Variants in TCF7L2 observed in about 807,000 individuals in gnomAD.
The protein encoded by TCF7L2 is transcription factor 7-like 2.
A neutral mutation model predicts 77.9 loss-of-function variants in TCF7L2; 23 were observed. That is an observed-to-expected ratio of 0.30 (90% CI 0.21 to 0.42). The LOEUF (loss-of-function observed/expected upper bound fraction) is 0.42. TCF7L2 is among the 10% of genes least tolerant of loss of function. TCF7L2 has a pLI of 1.00. For missense variants in TCF7L2, 654 were observed against 793.1 expected, an observed-to-expected ratio of 0.82 and a Z score of 2.11; for synonymous variants, 413 against 340.2, an observed-to-expected ratio of 1.21 and a Z score of -2.36.
intron 4 of TCF7L2, among the ~76,000 whole-genome samples, chr10:112,994,586 A>G (rs765452753): frequency 4.6e-5 from 7 of 152,212 alleles, no homozygotes; most frequent in Non-Finnish European, 8.8e-5. Flanking sequence ...GGGTCATATA[A>G]TAAATAACTG....
At chr10:112,979,766 A>T (rs1355460777) in intron 4 of TCF7L2, among the ~76,000 whole-genome samples, 1 of 86,226 alleles carries the variant, frequency 1.2e-5, no homozygotes, top group Admixed American at 1.4e-4. Flanking sequence ...AAAAAAAAAT[A>T]AAAAAAATAA....
chr10:113,127,869 T>G (rs1356570673), intron 5 of TCF7L2, among the ~76,000 whole-genome samples: 1 of 87,652 alleles, frequency 1.1e-5, no homozygotes, highest in Non-Finnish European at 2.5e-5. Flanking sequence ...CTGCGTCCTT[T>G]TTTTTTTTTT....
At chr10:113,107,608 T>C (rs2062514720) in intron 5 of TCF7L2, among the ~76,000 whole-genome samples, 1 of 151,054 alleles carries the variant, frequency 6.6e-6, no homozygotes, top group African/African-American at 2.4e-5. Flanking sequence ...CCGGGCGTGG[T>C]GGCGAGTACC....
chr10:113,099,487 G>T (rs911935555), intron 5 of TCF7L2, among the ~76,000 whole-genome samples: 1 of 152,162 alleles, frequency 6.6e-6, no homozygotes, highest in Non-Finnish European at 1.5e-5. Flanking sequence ...CCCAGGCTCT[G>T]GAACAAGCTG....
intron 11 of TCF7L2, among the ~76,000 whole-genome samples, chr10:113,154,655 G>A (rs969517937): frequency 4.6e-5 from 7 of 152,184 alleles, no homozygotes; most frequent in Non-Finnish European, 1.5e-5. Context: ...AGTATTGCTC[G>A]AGGCTTTTTG....
At chr10:113,096,077 G>A (rs1001716712) in intron 5 of TCF7L2, among the ~76,000 whole-genome samples, 4 of 152,180 alleles carry the variant, frequency 2.6e-5, no homozygotes, top group East Asian at 1.9e-4. Context: ...GCTAGTCTGC[G>A]TCAAGGGAGA....
chr10:112,978,833 A>T (rs1251948235), intron 4 of TCF7L2, among the ~76,000 whole-genome samples: 1 of 151,960 alleles, frequency 6.6e-6, no homozygotes, highest in South Asian at 2.1e-4. Flanking sequence ...TAAAATATAC[A>T]TATATATTTT....
Position 112,951,273 on chromosome 10 carries a change from G to A in TCF7L2, c.256G>A (p.Ala86Thr), listed in dbSNP as rs758611043. 6 of 1,497,844 alleles carry A rather than the reference G, an allele frequency of 4.0e-6. No individual in the cohort carries two copies. Among genetic ancestry groups the A allele is most frequent in the Admixed American group, 2.1e-5 (1 of 47,208 alleles). 92.8% of individuals were successfully genotyped at this position (1,497,844 alleles called of 1,614,324 possible). A position where few individuals can be genotyped will look rare whatever the true frequency, so the allele number is the denominator to read the frequency against. The stretch of plus-strand genomic sequence containing the variant: ...CAAATCCCGGGAAAGTTTGGAAGAA[G>A]GTGAGTACGCCCCGCGCGCCCCGCA... Residue 86 changes from alanine to threonine, a missense_variant and splice_region_variant, in exon 2 of 14, where the codon GCG becomes ACG. Ala to Thr is a moderately conservative substitution (Grantham distance 58). This residue lies in a region of TCF7L2 where 132 missense variants were observed against 123.7 expected (regional missense o/e 1.07). Coordinates refer to ENST00000627217, the MANE Select transcript of TCF7L2 (RefSeq NM_001146274.2).
At chr10:113,053,402 T>C (rs543917892) in intron 5 of TCF7L2, among the ~76,000 whole-genome samples, 71 of 152,134 alleles carry the variant, frequency 4.7e-4, no homozygotes, top group African/African-American at 1.7e-3. Flanking sequence ...GTAGCAAGGG[T>C]GTGGATTGTC....
intron 4 of TCF7L2, among the ~76,000 whole-genome samples, chr10:113,003,710 C>A (rs144329661): frequency 6.6e-6 from 1 of 152,312 alleles, no homozygotes; most frequent in Non-Finnish European, 1.5e-5. Context: ...TGAAATGAAA[C>A]AGGTGAGGAA....
intron 5 of TCF7L2, among the ~76,000 whole-genome samples, chr10:113,086,504 T>A (rs1040849242): frequency 6.6e-6 from 1 of 152,222 alleles, no homozygotes; most frequent in African/African-American, 2.4e-5. Flanking sequence ...AACCTGCATC[T>A]ATGGGAAGGG....
intron 4 of TCF7L2, among the ~76,000 whole-genome samples, chr10:112,981,469 A>G (rs1452375760): frequency 6.6e-6 from 1 of 152,156 alleles, no homozygotes; most frequent in African/African-American, 2.4e-5. Flanking sequence ...AAAAGCATCA[A>G]GTTAGTTTTT....
intron 5 of TCF7L2, among the ~76,000 whole-genome samples, chr10:113,083,957 A>G (rs1410592744): frequency 6.6e-6 from 1 of 152,142 alleles, no homozygotes; most frequent in African/African-American, 2.4e-5. Flanking sequence ...AGGCCCTTTT[A>G]CATCTAGACT....
At chr10:113,147,519 C>G (rs747160630) in intron 8 of TCF7L2, among the ~76,000 whole-genome samples, 3 of 152,132 alleles carry the variant, frequency 2.0e-5, no homozygotes, top group Non-Finnish European at 4.4e-5. Context: ...TAGGAAAACG[C>G]TCGTGTGTTC....
rs531545200 is a variant in TCF7L2 at position 113,007,456 on chromosome 10, C to G, written c.451-32569C>G. 8.5e-5 allele frequency among the ~76,000 whole-genome samples: 13 copies of G among 152,324 alleles called. No homozygotes were observed. In the South Asian group the frequency reaches 2.7e-3, roughly 32 times the overall value. On this transcript the variant is annotated intron_variant, in intron 4 of 13. Coordinates refer to ENST00000627217, the MANE Select transcript of TCF7L2 (RefSeq NM_001146274.2). ...GCTTGGGACTTCCCCTCACCACACT[C>G]AAAGCCTTTGATCTTTTGCTTTGGA...
Position 112,971,698 on chromosome 10 carries a change from C to T in TCF7L2, c.450+7074C>T, listed in dbSNP as rs564460268. 2.2e-4 allele frequency among the ~76,000 whole-genome samples: 33 copies of T among 150,020 alleles called. 1 individual carries two copies. In the South Asian group the frequency reaches 6.4e-3, roughly 29 times the overall value. ...CGTGATGTCGGCTCACTGCAACCTC[C>T]GCTTCCCGGGTTCAAGCAATTCTCC... On this transcript the variant is annotated intron_variant, in intron 4 of 13. Transcript: ENST00000627217.
rs2038607462 is a variant in TCF7L2 at position 112,972,976 on chromosome 10, T to A, written c.450+8352T>A. ...TAGGCTTATGGTAACTATTGCCTGC[T>A]CAAAGTAATGCTCACAGTGGTCTAG... On this transcript the variant is annotated intron_variant, in intron 4 of 13. Coordinates refer to ENST00000627217, the MANE Select transcript of TCF7L2 (RefSeq NM_001146274.2). 3.9e-5 allele frequency among the ~76,000 whole-genome samples: 6 copies of A among 152,214 alleles called. 1 individual carries two copies. The highest frequency in any genetic ancestry group is 3.3e-4 in the Admixed American group (5 of 15,286).
At chr10:113,069,891 C>T (rs779981323) in intron 5 of TCF7L2, among the ~76,000 whole-genome samples, 4 of 152,046 alleles carry the variant, frequency 2.6e-5, no homozygotes, top group Admixed American at 6.6e-5. Context: ...CGTAAGATAG[C>T]GGCTCCCACT....
chr10:112,960,679 A>C (rs149902310), intron 3 of TCF7L2, among the ~76,000 whole-genome samples: 2 of 141,574 alleles, frequency 1.4e-5, no homozygotes, highest in Non-Finnish European at 1.5e-5. Context: ...GAGATGAGGC[A>C]GATGGGAACC....
Sources: gnomAD v4.1 joint callset for allele counts (sites outside exome capture counted in the v4.1 genomes callset) on GRCh38, gnomAD v4.1.1 for gene constraint, gnomAD v4.1.1 regional missense constraint, MANE v1.5 for transcripts, NCBI Gene and HGNC (gene_info 2026-07-23, HGNC 2026-07-21) for gene names.